The following CFAP77 variants were observed in gnomAD, a reference collection of about 807,000 sequenced individuals.
The protein encoded by CFAP77 is cilia and flagella associated protein 77.
In CFAP77, 25 loss-of-function variants were observed where a neutral mutation model predicts 31.1. That is an observed-to-expected ratio of 0.80 (90% CI 0.59 to 1.12). The LOEUF (loss-of-function observed/expected upper bound fraction) is 1.12, where lower values mean the gene tolerates loss of function less well. CFAP77 is among the 50% of genes most tolerant of loss of function. The pLI, the probability that CFAP77 is intolerant of heterozygous loss-of-function variation, is 0.00. For synonymous variants in CFAP77, 151 were observed against 159.9 expected (o/e 0.94, Z 0.42); for missense variants, 377 against 397.3 (o/e 0.95, Z 0.44).
intron 1 of CFAP77, among the ~76,000 whole-genome samples, chr9:132,450,753 G>T (rs72765873): frequency 0.093 from 14,230 of 152,278 alleles, 690 homozygotes; most frequent in African/African-American, 0.14. Flanking sequence ...GAAATGAACA[G>T]ACCTGTCTTT....
chr9:132,568,713 T>G (rs1045113768), intron 5 of CFAP77, among the ~76,000 whole-genome samples: 3 of 151,950 alleles, frequency 2.0e-5, no homozygotes, highest in African/African-American at 7.2e-5. Context: ...TGGAATAGAT[T>G]TTTTTTTGGA....
chr9:132,410,931 T>G (rs1364960047), intron 1 of CFAP77, among the ~76,000 whole-genome samples: 1 of 152,216 alleles, frequency 6.6e-6, no homozygotes, highest in African/African-American at 2.4e-5. Flanking sequence ...TCCGTGTCTG[T>G]CCTGGAAGCA....
chr9:132,553,709 C>T (rs1314072718), intron 5 of CFAP77, among the ~76,000 whole-genome samples: 1 of 152,194 alleles, frequency 6.6e-6, no homozygotes. Flanking sequence ...AAGGGGGAAC[C>T]CCACGTTGCA....
intron 4 of CFAP77, among the ~76,000 whole-genome samples, chr9:132,542,081 G>T (rs1026933956): frequency 1.3e-5 from 2 of 152,148 alleles, no homozygotes; most frequent in Non-Finnish European, 2.9e-5. Flanking sequence ...CATGCCCAGG[G>T]CCCCTCCTAA....
chr9:132,496,469 C>G (rs2118953246), intron 1 of CFAP77, among the ~76,000 whole-genome samples: 1 of 152,338 alleles, frequency 6.6e-6, no homozygotes, highest in Middle Eastern at 3.4e-3. Context: ...CCAAAGAACG[C>G]CCCTTAGCCA....
intron 1 of CFAP77, among the ~76,000 whole-genome samples, chr9:132,437,959 C>T (rs575233651): frequency 6.6e-6 from 1 of 151,524 alleles, no homozygotes; most frequent in East Asian, 2.0e-4. Flanking sequence ...CCTGTAATCC[C>T]AGCACTTTGG....
At chr9:132,476,068 C>T (rs540869077) in intron 1 of CFAP77, among the ~76,000 whole-genome samples, 1 of 152,354 alleles carries the variant, frequency 6.6e-6, no homozygotes, top group Non-Finnish European at 1.5e-5. Flanking sequence ...CATTCCAAGT[C>T]TTTCTCGAAT....
At chr9:132,470,458 T>A (rs1274970306) in intron 1 of CFAP77, among the ~76,000 whole-genome samples, 1 of 152,158 alleles carries the variant, frequency 6.6e-6, no homozygotes, top group Non-Finnish European at 1.5e-5. Flanking sequence ...GAGGTGGTGG[T>A]GACAGTGCTG....
chr9:132,525,085 T>A (rs1343471913), intron 3 of CFAP77, among the ~76,000 whole-genome samples: 1 of 147,356 alleles, frequency 6.8e-6, no homozygotes, highest in African/African-American at 2.5e-5. Context: ...AATGGCACAA[T>A]CTCAGCTCAC....
intron 1 of CFAP77, among the ~76,000 whole-genome samples, chr9:132,467,705 T>G (rs1851179462): frequency 6.6e-6 from 1 of 152,146 alleles, no homozygotes; most frequent in African/African-American, 2.4e-5. Context: ...CTTTTGGGTA[T>G]CTACCCAAAA....
chr9:132,569,016 G>T (rs772473810), intron 5 of CFAP77, among the ~76,000 whole-genome samples: 5 of 152,092 alleles, frequency 3.3e-5, no homozygotes, highest in South Asian at 2.1e-4. Context: ...GGCTATTTTT[G>T]ATTGTAGTGA....
intron 1 of CFAP77, among the ~76,000 whole-genome samples, chr9:132,465,191 C>T (rs1339283045): frequency 6.6e-6 from 1 of 151,754 alleles, no homozygotes; most frequent in Admixed American, 6.6e-5. Context: ...GAAGGAGTCT[C>T]TTAAAAGTCG....
At chr9:132,570,473 G>A (rs755995947) in intron 5 of CFAP77, among the ~76,000 whole-genome samples, 19 of 152,340 alleles carry the variant, frequency 1.2e-4, no homozygotes, top group African/African-American at 2.9e-4. Context: ...CTGGTGCTGC[G>A]GCTGGGCTGA....
chr9:132,447,977 C>T (rs1850756725), intron 1 of CFAP77, among the ~76,000 whole-genome samples: 1 of 152,152 alleles, frequency 6.6e-6, no homozygotes, highest in African/African-American at 2.4e-5. Flanking sequence ...GGGAGGTACC[C>T]ATTGGTAATG....
At chr9:132,465,546 G>A (rs996730047) in intron 1 of CFAP77, among the ~76,000 whole-genome samples, 20 of 152,140 alleles carry the variant, frequency 1.3e-4, no homozygotes, top group African/African-American at 3.9e-4. Flanking sequence ...ACTTGTAGCC[G>A]TTGGTATGTG....
intron 1 of CFAP77, among the ~76,000 whole-genome samples, chr9:132,439,918 A>T (rs796294266): frequency 2.0e-4 from 30 of 151,806 alleles, no homozygotes; most frequent in African/African-American, 7.3e-4. Context: ...TTATTCCTCG[A>T]TCCTATGGTG....
chr9:132,466,563 G>A (rs1289985551), intron 1 of CFAP77, among the ~76,000 whole-genome samples: 1 of 152,208 alleles, frequency 6.6e-6, no homozygotes, highest in African/African-American at 2.4e-5. Flanking sequence ...AGGACCCGAT[G>A]TCAAGTAATT....
At position 132,410,248 on chromosome 9, in the gene CFAP77, G is replaced by T; in HGVS notation, c.-24G>T. The T allele has an allele frequency of 6.5e-7, 1 of 1,537,866 alleles. No individual in the cohort carries two copies. Among genetic ancestry groups the T allele is most frequent in the Non-Finnish European group, 8.7e-7 (1 of 1,144,882 alleles). On this transcript the variant is annotated 5_prime_UTR_variant, in exon 1 of 6. Coordinates refer to ENST00000393216, the MANE Select transcript of CFAP77 (RefSeq NM_001282957.2). ...GAAGCGCGCCCAAACCAGCCCGCGG[G>T]CCGGCTCCCCGGCGACCTCAAGGAT...
At chr9:132,541,090 T>G (rs1852632235) in intron 4 of CFAP77, among the ~76,000 whole-genome samples, 1 of 152,084 alleles carries the variant, frequency 6.6e-6, no homozygotes, top group Non-Finnish European at 1.5e-5. Flanking sequence ...GCTTAGACGG[T>G]CAGTTTGCAA....
Sources: allele counts gnomAD v4.1 joint callset (sites outside exome capture counted in the v4.1 genomes callset), GRCh38; gene constraint gnomAD v4.1.1; transcripts MANE v1.5; gene names NCBI Gene and HGNC (gene_info 2026-07-23, HGNC 2026-07-21).